LMNTD2: variants seen among roughly 807,000 people sequenced by gnomAD.
The protein encoded by LMNTD2 is lamin tail domain-containing protein 2.
Under a neutral mutation model 70.1 loss-of-function variants are expected in LMNTD2, and 83 were observed. The ratio of observed to expected loss-of-function variants is 1.18; its 90% CI spans 0.99 to 1.42. The LOEUF is 1.42. Among genes scored for constraint, LMNTD2 ranks in the 40% most tolerant of loss-of-function variants. The pLI, the probability that LMNTD2 is intolerant of heterozygous loss-of-function variation, is 0.00. For synonymous variants in LMNTD2, 534 were observed against 406.1 expected, an observed-to-expected ratio of 1.31 and a Z score of -3.79; for missense variants, 1,153 against 905.9, an observed-to-expected ratio of 1.27 and a Z score of -3.50.
At chr11:560,420 T>TGCGCCCGCCAGCTCCGCAGG in intron 1 of LMNTD2, 1 of 1,234,490 alleles carries the variant, frequency 8.1e-7, no homozygotes, top group Non-Finnish European at 1.0e-6. Context: ...ACCAGGACTC[T>TGCGCCCGCCAGCTCCGCAGG]GCGCCCGCCA....
intron 7 of LMNTD2, 117 bp downstream of exon 7, chr11:557,282 G>A (rs1852951755): frequency 1.4e-6 from 2 of 1,387,396 alleles, no homozygotes; most frequent in East Asian, 2.5e-5. Flanking sequence ...ACGCGCATTG[G>A]AAGGTTTAAG....
Position 555,780 on chromosome 11 carries a change from G to T in LMNTD2, c.1528C>A (p.Arg510Ser). 6.7e-7 allele frequency: 1 copy of T among 1,488,832 alleles called. No individual in the cohort carries two copies. Among genetic ancestry groups the T allele is most frequent in the Non-Finnish European group, 8.8e-7 (1 of 1,132,858 alleles). 92.2% of individuals were successfully genotyped at this position (1,488,832 alleles called of 1,614,324 possible). A position where few individuals can be genotyped will look rare whatever the true frequency, so the allele number is the denominator to read the frequency against. ...CGGGGCTCCCGCACCCGGCCTTTGC[G>T]CAGGGGTCGAGGTGGGCGCGGCGGC... ...RKPPRPPRPLRKGRVREPRVS... is the reference protein window; with the variant it reads ...RKPPRPPRPLSKGRVREPRVS... Residue 510 changes from arginine to serine, a missense_variant, in exon 12 of 14, where the codon CGC (arginine) becomes AGC (serine). Coordinates refer to ENST00000329451, the MANE Select transcript of LMNTD2 (RefSeq NM_173573.3).
At chr11:555,265 G>A (rs1303808664) in intron 13 of LMNTD2, 40 bp downstream of exon 13, 13 of 1,341,770 alleles carry the variant, frequency 9.7e-6, no homozygotes, top group African/African-American at 1.5e-5. Context: ...AGGAGAACGA[G>A]GAGGGAGAGG....
rs2054631436 is a variant in LMNTD2, at chr11:557,110, C to G, written c.714-13G>C. 1.3e-6 allele frequency: 2 copies of G among 1,575,068 alleles called. No individual in the cohort carries two copies. Among genetic ancestry groups the G allele is most frequent in the African/African-American group, 2.7e-5 (2 of 74,254 alleles). On this transcript the variant is annotated splice_polypyrimidine_tract_variant and intron_variant, in intron 7 of 13. Coordinates refer to ENST00000329451, the MANE Select transcript of LMNTD2 (RefSeq NM_173573.3). ...GGGCCGGGGCTGCCTGTGGACCACG[C>G]TCTGCTTGATGGCCACTCCAGCTCC...
rs1265232425 is a variant in LMNTD2 at position 556,383 on chromosome 11, G to A, written c.1074-8C>T. On this transcript the variant is annotated splice_polypyrimidine_tract_variant and splice_region_variant and intron_variant, in intron 9 of 13. Transcript: ENST00000329451. The stretch of plus-strand genomic sequence containing the variant: ...ATCTTCAGGCCTGTCGGGCTGGGAA[G>A]AGAGGAGACGCTGTGAGGAGATGCG... 2 of 1,536,994 alleles carry A rather than the reference G, an allele frequency of 1.3e-6. No individual in the cohort carries two copies. Among genetic ancestry groups the A allele is most frequent in the Non-Finnish European group, 8.7e-7 (1 of 1,145,736 alleles).
At position 556,205 on chromosome 11, in the gene LMNTD2, C is replaced by T. The variant is rs1281687328; in HGVS notation, c.1244G>A (p.Arg415Gln). 8 of 1,440,168 alleles carry T rather than the reference C, an allele frequency of 5.6e-6. No individual in the cohort carries two copies. Among genetic ancestry groups the T allele is most frequent in the Middle Eastern group, 2.3e-4 (1 of 4,410 alleles). The allele number at this position is 1,440,168 out of a possible 1,614,324, so 89.2% of individuals were successfully genotyped here. A position where few individuals can be genotyped will look rare whatever the true frequency, so the allele number is the denominator to read the frequency against. The change falls in exon 10 of 14, where the codon CGG becomes CAG. Residue 415 changes from arginine (R) to glutamine (Q), a missense_variant. By Grantham distance (43) the Arg-to-Gln change is conservative. Coordinates refer to ENST00000329451, the MANE Select transcript of LMNTD2 (RefSeq NM_173573.3). ...RFPPGTLLAPRHHVTVWGEAT... is the reference protein window; with the variant it reads ...RFPPGTLLAPQHHVTVWGEAT... ...GCCGGGGCGCACCGTGACGTGGTGC[C>T]GCGGGGCCAGCAGCGTGCCCGGCGG...
chr11:557,423 T>C lies in LMNTD2; in HGVS notation c.689A>G (p.Asn230Ser). 1 of 1,608,512 alleles carries C rather than the reference T, an allele frequency of 6.2e-7. No homozygotes were observed. The highest frequency in any genetic ancestry group is 8.5e-7 in the Non-Finnish European group (1 of 1,177,382). ...VARRYPNLFT[N>S]MEPSSKQKQP... The stretch of plus-strand genomic sequence containing the variant: ...CTTTTGCTTTGAGCTGGGCTCCATG[T>C]TGGTGAAGAGGTTGGGATACCGGCG... Residue 230 changes from asparagine (N) to serine (S), a missense_variant, in exon 7 of 14, where the codon AAC becomes AGC. Physicochemically the swap from Asn to Ser is conservative, Grantham distance 46. Transcript: ENST00000329451.
intron 12 of LMNTD2, 40 bp from the exon 13 acceptor site, chr11:555,543 G>C: frequency 7.5e-7 from 1 of 1,329,418 alleles, no homozygotes; most frequent in Non-Finnish European, 9.6e-7. Flanking sequence ...GCCGGCCCGG[G>C]AAAGGCGGCC....
At chr11:557,686 C>T (rs565033812) in intron 5 of LMNTD2, 46 bp from the exon 6 acceptor site, 2 of 1,612,238 alleles carry the variant, frequency 1.2e-6, no homozygotes, top group Non-Finnish European at 1.7e-6. Context: ...TGGGTGCTCC[C>T]CTACAGCACC....
chr11:555,722 CGCGGT>C lies in LMNTD2; in HGVS notation c.1574+7_1574+11del. Reference sequence around the variant, plus strand: ...GGAGGGAGGCCAGATCCCGGGGACCCGCGGTCCCCACCCTGGTCTCCGGCGACTGA... The same window carrying C: ...GGAGGGAGGCCAGATCCCGGGGACCCCCCCACCCTGGTCTCCGGCGACTGA... On this transcript the variant is annotated splice_region_variant and intron_variant, in intron 12 of 13. Transcript: ENST00000329451. 1 of 1,382,498 alleles carries C rather than the reference CGCGGT, an allele frequency of 7.2e-7. No homozygotes were observed. The highest frequency in any genetic ancestry group is 9.3e-7 in the Non-Finnish European group (1 of 1,078,222). The allele number at this position is 1,382,498 out of a possible 1,614,324, so 85.6% of individuals were successfully genotyped here.
intron 1 of LMNTD2, chr11:559,851 C>T (rs1027167235): frequency 3.0e-5 from 24 of 807,208 alleles, no homozygotes; most frequent in Middle Eastern, 6.1e-4. Context: ...CCTCGAATTC[C>T]TGGGCTCAGG....
At chr11:559,570 G>A (rs1193405717) in intron 1 of LMNTD2, 1 of 1,195,002 alleles carries the variant, frequency 8.4e-7, no homozygotes, top group African/African-American at 1.6e-5. Context: ...AACACCCTGA[G>A]GGAGGCCCCA....
rs367784358 is a variant in LMNTD2, at chr11:555,892, C to T, written c.1416G>A (p.Pro472=). The change falls in exon 12 of 14, where the codon CCG becomes CCA. Residue 472 remains proline (P), a synonymous_variant. Transcript: ENST00000329451. ...TGCCGTCGGCGAAGACCCTCGGGGC[C>T]GGAGTCTCGCGGCGTGGGATCCGGT... ...SEHRIPRRET[P]APRVFADGTD... is the part of the protein sequence containing the mutation. 8.3e-6 allele frequency: 13 copies of T among 1,565,914 alleles called. No individual in the cohort carries two copies. In the East Asian group the frequency reaches 2.3e-4, roughly 28 times the overall value.
chr11:559,326 G>C (rs1469197367), intron 1 of LMNTD2: 3 of 1,382,026 alleles, frequency 2.2e-6, no homozygotes, highest in Non-Finnish European at 2.9e-6. Context: ...CCCAGCTCAG[G>C]GCCCTACCCC....
At chr11:555,608 CA>C (rs973942112) in intron 12 of LMNTD2, 105 bp from the exon 13 acceptor site, 21 of 1,260,186 alleles carry the variant, frequency 1.7e-5, no homozygotes, top group Admixed American at 8.4e-5. Context: ...ACTGGAGGAC[CA>C]GGGGGCGGCC....
chr11:559,093 T>C (rs1853106131), intron 1 of LMNTD2, 114 bp from the exon 2 acceptor site: 1 of 1,526,460 alleles, frequency 6.6e-7, no homozygotes, highest in South Asian at 1.2e-5. Flanking sequence ...GTCTGCCGTG[T>C]GCGCCTCGTG....
chr11:556,325 C>G lies in LMNTD2; in HGVS notation c.1124G>C (p.Arg375Pro), dbSNP rs1159909404. ...GCTCTCCTGCGACGGGTTGAAGATG[C>G]GGACGAACTTCTCCCGGCAGCTCAC... ...VAVSCREKFV[R>P]IFNPSQESTA... The change falls in exon 10 of 14, where the codon CGC (arginine) becomes CCC (proline). Residue 375 changes from arginine to proline, a missense_variant. Physicochemically the swap from Arg to Pro is moderately radical, Grantham distance 103. Transcript: ENST00000329451. 6.5e-7 allele frequency: 1 copy of G among 1,535,562 alleles called. No homozygotes were observed. The highest frequency in any genetic ancestry group is 1.4e-5 in the African/African-American group (1 of 73,038).
chr11:555,757 G>C lies in LMNTD2; in HGVS notation c.1551C>G (p.Pro517=). The change falls in exon 12 of 14, where the codon CCC becomes CCG. Residue 517 remains proline (P), a synonymous_variant. Coordinates refer to ENST00000329451, the MANE Select transcript of LMNTD2 (RefSeq NM_173573.3). ...ACCCTGGTCTCCGGCGACTGACCCG[G>C]GGCTCCCGCACCCGGCCTTTGCGCA... ...RPLRKGRVRE[P]RVSRRRPGTR... 2 of 1,434,242 alleles carry C rather than the reference G, an allele frequency of 1.4e-6. No individual in the cohort carries two copies. The highest frequency in any genetic ancestry group is 3.4e-5 in the Admixed American group (1 of 29,732). 88.8% of individuals were successfully genotyped at this position (1,434,242 alleles called of 1,614,324 possible). A position where few individuals can be genotyped will look rare whatever the true frequency, so the allele number is the denominator to read the frequency against.
chr11:560,109 C>T (rs758150105), intron 1 of LMNTD2: 1 of 173,306 alleles, frequency 5.8e-6, no homozygotes, highest in African/African-American at 2.4e-5. Flanking sequence ...ATCATTCCAG[C>T]TTTCACCCTT....
Sources: gnomAD v4.1 joint callset for allele counts on GRCh38, gnomAD v4.1.1 for gene constraint, MANE v1.5 for transcripts, NCBI Gene and HGNC (gene_info 2026-07-23, HGNC 2026-07-21) for gene names.